Variants in PDSS2 observed in about 807,000 individuals in gnomAD.
PDSS2 encodes all trans-polyprenyl-diphosphate synthase PDSS2.
PDSS2 carries 31 observed loss-of-function variants against 44.5 expected under a neutral mutation model. The observed-to-expected ratio is 0.70, with a 90% confidence interval of 0.52 to 0.94. The LOEUF is 0.94. Ranked by LOEUF, PDSS2 falls within the 40% of genes least tolerant of loss-of-function variation. PDSS2 has a pLI of 0.00. For missense variants in PDSS2, 452 were observed against 482.2 expected, an observed-to-expected ratio of 0.94 and a Z score of 0.59; for synonymous variants, 157 against 180.3, an observed-to-expected ratio of 0.87 and a Z score of 1.03.
chr6:107,383,969 T>C (rs1779529690), intron 1 of PDSS2, among the ~76,000 whole-genome samples: 1 of 152,204 alleles, frequency 6.6e-6, no homozygotes, highest in African/African-American at 2.4e-5. Context: ...TGTAAACTAA[T>C]GCAACAGAAG....
intron 2 of PDSS2, among the ~76,000 whole-genome samples, chr6:107,322,363 C>T (rs1032336885): frequency 1.3e-5 from 2 of 151,444 alleles, no homozygotes; most frequent in Admixed American, 1.3e-4. Flanking sequence ...ACTAAAAATA[C>T]AAAAAAATAG....
chr6:107,277,086 A>G (rs1402532685), intron 2 of PDSS2, among the ~76,000 whole-genome samples: 2 of 152,234 alleles, frequency 1.3e-5, no homozygotes, highest in Non-Finnish European at 2.9e-5. Flanking sequence ...CCAATCCCCA[A>G]TCTATTTCTA....
intron 1 of PDSS2, among the ~76,000 whole-genome samples, chr6:107,416,645 C>G (rs1335640096): frequency 6.6e-6 from 1 of 152,082 alleles, no homozygotes; most frequent in East Asian, 1.9e-4. Flanking sequence ...TTCTCCAGTC[C>G]TTTAAAAAAA....
intron 1 of PDSS2, among the ~76,000 whole-genome samples, chr6:107,439,495 C>G (rs561950733): frequency 6.2e-4 from 94 of 152,316 alleles, no homozygotes; most frequent in African/African-American, 2.1e-3. Context: ...TCAAACTACA[C>G]CTATGGCTTC....
intron 7 of PDSS2, among the ~76,000 whole-genome samples, chr6:107,159,133 T>C (rs545389104): frequency 6.6e-6 from 1 of 152,130 alleles, no homozygotes; most frequent in African/African-American, 2.4e-5. Flanking sequence ...TAAATCACAA[T>C]AGATGCTCGG....
intron 4 of PDSS2, among the ~76,000 whole-genome samples, chr6:107,220,535 T>C (rs1373556818): frequency 6.6e-6 from 1 of 152,080 alleles, no homozygotes; most frequent in Admixed American, 6.6e-5. Flanking sequence ...TACAGATATC[T>C]ATATATAGAA....
At chr6:107,329,420 T>C (rs1209367871) in intron 2 of PDSS2, among the ~76,000 whole-genome samples, 2 of 152,122 alleles carry the variant, frequency 1.3e-5, no homozygotes, top group African/African-American at 4.8e-5. Flanking sequence ...TTCCACCTCA[T>C]CTTCATTCCC....
chr6:107,334,206 G>T lies in PDSS2; in HGVS notation c.423C>A (p.Ile141=). ...SCQNYDMVSG[I]YSCQRSLAEI... ...GACTAAATTCTTCTTACCATGAGTA[G>T]ATCCCACTGACCATGTCATAGTTCT... Residue 141 remains isoleucine, a synonymous_variant, in exon 2 of 8, where the codon ATC becomes ATA. Coordinates refer to ENST00000369037, the MANE Select transcript of PDSS2 (RefSeq NM_020381.4). The T allele has an allele frequency of 6.2e-7, 1 of 1,613,700 alleles. No individual in the cohort carries two copies. Among genetic ancestry groups the T allele is most frequent in the Non-Finnish European group, 8.5e-7 (1 of 1,179,798 alleles).
chr6:107,288,100 C>T (rs188162405), intron 2 of PDSS2, among the ~76,000 whole-genome samples: 2 of 152,228 alleles, frequency 1.3e-5, no homozygotes, highest in Admixed American at 1.3e-4. Flanking sequence ...CCTCCCACCT[C>T]GGTTTCCCAA....
intron 7 of PDSS2, among the ~76,000 whole-genome samples, chr6:107,169,063 G>A (rs1771463828): frequency 6.6e-6 from 1 of 152,114 alleles, no homozygotes; most frequent in South Asian, 2.1e-4. Context: ...ATAATATCCT[G>A]CAGAGTGTTT....
At chr6:107,263,177 G>A (rs548483251) in intron 3 of PDSS2, among the ~76,000 whole-genome samples, 47 of 121,272 alleles carry the variant, frequency 3.9e-4, no homozygotes, top group Admixed American at 1.8e-3. Flanking sequence ...CCTTGGCCAG[G>A]CGCGGTGGCT....
chr6:107,355,162 G>C (rs1448670003), intron 1 of PDSS2, among the ~76,000 whole-genome samples: 1 of 152,092 alleles, frequency 6.6e-6, no homozygotes, highest in African/African-American at 2.4e-5. Context: ...CTTGTGATCT[G>C]CCCACCTCAG....
At chr6:107,376,015 G>C (rs1779274671) in intron 1 of PDSS2, among the ~76,000 whole-genome samples, 1 of 152,202 alleles carries the variant, frequency 6.6e-6, no homozygotes, top group Non-Finnish European at 1.5e-5. Flanking sequence ...TTATTAAATA[G>C]GGAATCCTTT....
intron 1 of PDSS2, among the ~76,000 whole-genome samples, chr6:107,422,254 C>CATTAGTATTCAAATACTAAT (rs1266064430): frequency 6.6e-6 from 1 of 151,848 alleles, no homozygotes; most frequent in Admixed American, 6.6e-5. Context: ...GACTCAATCT[C>CATTAGTATTCAAATACTAAT]ATTAGTATTC....
intron 1 of PDSS2, among the ~76,000 whole-genome samples, chr6:107,370,910 A>G (rs1280398201): frequency 6.6e-6 from 1 of 152,090 alleles, no homozygotes; most frequent in Non-Finnish European, 1.5e-5. Flanking sequence ...ACCGGCCAGG[A>G]GCAGTGGCTT....
chr6:107,458,626 G>A (rs189654307), intron 1 of PDSS2, among the ~76,000 whole-genome samples: 100 of 150,936 alleles, frequency 6.6e-4, no homozygotes, highest in Non-Finnish European at 1.2e-3. Flanking sequence ...AACAGTGCGG[G>A]ACAGAAAATT....
intron 1 of PDSS2, among the ~76,000 whole-genome samples, chr6:107,359,534 G>T (rs1248380148): frequency 6.6e-6 from 1 of 151,284 alleles, no homozygotes; most frequent in Non-Finnish European, 1.5e-5. Context: ...TGAGGCATGA[G>T]AATTGCTTGG....
At chr6:107,410,384 A>T (rs1013597886) in intron 1 of PDSS2, among the ~76,000 whole-genome samples, 1 of 152,212 alleles carries the variant, frequency 6.6e-6, no homozygotes, top group Non-Finnish European at 1.5e-5. Flanking sequence ...CCACAGGTGC[A>T]TGTGCGCGCA....
At chr6:107,346,043 CAAA>C (rs1407319397) in intron 1 of PDSS2, among the ~76,000 whole-genome samples, 2 of 152,252 alleles carry the variant, frequency 1.3e-5, no homozygotes, top group East Asian at 3.9e-4. Context: ...GCAGAGCTAG[CAAA>C]GAGGATTACT....
Sources: allele counts gnomAD v4.1 joint callset (sites outside exome capture counted in the v4.1 genomes callset), GRCh38; gene constraint gnomAD v4.1.1; transcripts MANE v1.5; gene names NCBI Gene and HGNC (gene_info 2026-07-23, HGNC 2026-07-21).